ARL15: variants seen among roughly 807,000 people sequenced by gnomAD.
ARL15 encodes ADP-ribosylation factor-like protein 15.
ARL15 carries 19 observed loss-of-function variants against 25.2 expected under a neutral mutation model. That is an observed-to-expected ratio of 0.75 (90% CI 0.53 to 1.10). The LOEUF is 1.10. ARL15 is among the 50% of genes least tolerant of loss of function. ARL15 has a pLI of 0.00. For synonymous variants in ARL15, 94 were observed against 86.8 expected (o/e 1.08, Z -0.46); for missense variants, 220 against 246.0 (o/e 0.89, Z 0.71).
chr5:54,219,063 T>G (rs1756300919), intron 1 of ARL15, among the ~76,000 whole-genome samples: 1 of 152,010 alleles, frequency 6.6e-6, no homozygotes, highest in African/African-American at 2.4e-5. Context: ...TTAAAAAGGA[T>G]TTAGTCGGCA....
intron 4 of ARL15, among the ~76,000 whole-genome samples, chr5:53,899,204 C>G (rs540005724): frequency 5.9e-5 from 9 of 151,286 alleles, no homozygotes; most frequent in Non-Finnish European, 1.0e-4. Flanking sequence ...AAAAATTAGC[C>G]AGGCGTGGTG....
chr5:54,284,653 G>A (rs971489873), intron 1 of ARL15, among the ~76,000 whole-genome samples: 16 of 152,226 alleles, frequency 1.1e-4, no homozygotes, highest in African/African-American at 3.6e-4. Context: ...AAGTATTGTT[G>A]TTGGGATTGC....
At chr5:54,013,648 G>A (rs1357768440) in intron 4 of ARL15, among the ~76,000 whole-genome samples, 2 of 152,226 alleles carry the variant, frequency 1.3e-5, no homozygotes, top group Middle Eastern at 3.4e-3. Flanking sequence ...CATCACTATT[G>A]TAGAACTTAA....
rs374625718 is a variant in ARL15, at chr5:54,033,092, C to T, written c.462+80110G>A. On this transcript the variant is annotated intron_variant, in intron 4 of 4. Transcript: ENST00000504924. ...ACTGTACTCCTAGCACTTTGGGAGG[C>T]TGAGGCGGGTGGATCACCTGAGGTC... Among the ~76,000 whole-genome samples, 377 of 151,760 alleles carry T rather than the reference C, an allele frequency of 2.5e-3. 1 individual carries two copies. Among genetic ancestry groups the T allele is most frequent in the African/African-American group, 8.8e-3 (366 of 41,368 alleles).
At chr5:54,171,574 A>C (rs1051061329) in intron 2 of ARL15, among the ~76,000 whole-genome samples, 7 of 152,222 alleles carry the variant, frequency 4.6e-5, no homozygotes. Context: ...AGTGCCACTG[A>C]AATGACCTGC....
chr5:53,915,442 T>C (rs1192250597), intron 4 of ARL15, among the ~76,000 whole-genome samples: 1 of 152,176 alleles, frequency 6.6e-6, no homozygotes, highest in Non-Finnish European at 1.5e-5. Context: ...GGGTGTGAGA[T>C]TTACCTGTCT....
At chr5:54,289,671 A>G (rs1758276643) in intron 1 of ARL15, among the ~76,000 whole-genome samples, 1 of 152,204 alleles carries the variant, frequency 6.6e-6, no homozygotes, top group Non-Finnish European at 1.5e-5. Flanking sequence ...CAGCCATACA[A>G]CTTACTATTT....
chr5:54,078,667 C>A (rs183423578), intron 4 of ARL15, among the ~76,000 whole-genome samples: 1 of 151,728 alleles, frequency 6.6e-6, no homozygotes, highest in Non-Finnish European at 1.5e-5. Context: ...TGACTATTCT[C>A]GCTAAAGTAA....
chr5:53,937,285 G>A (rs1032011121), intron 4 of ARL15, among the ~76,000 whole-genome samples: 5 of 144,618 alleles, frequency 3.5e-5, no homozygotes, highest in Non-Finnish European at 6.1e-5. Flanking sequence ...ACATGTGCAC[G>A]CCTGCGCATA....
intron 3 of ARL15, among the ~76,000 whole-genome samples, chr5:54,140,241 T>C (rs1265231109): frequency 1.8e-5 from 2 of 108,968 alleles, no homozygotes; most frequent in African/African-American, 3.8e-5. Context: ...TAAATACATT[T>C]AGAAGATTTT....
intron 4 of ARL15, 114 bp downstream of exon 4, chr5:54,113,088 G>T: frequency 2.9e-6 from 3 of 1,039,798 alleles, no homozygotes; most frequent in South Asian, 1.6e-5. Context: ...AAGGTTTCAT[G>T]TTGAAAGCAG....
At chr5:54,222,303 A>C (rs997890398) in intron 1 of ARL15, among the ~76,000 whole-genome samples, 6 of 152,238 alleles carry the variant, frequency 3.9e-5, no homozygotes, top group Admixed American at 3.9e-4. Context: ...TGTGGCAATA[A>C]AGTGGCACTG....
chr5:54,039,800 T>TAAAAAA (rs35030165), intron 4 of ARL15, among the ~76,000 whole-genome samples: 81 of 52,548 alleles, frequency 1.5e-3, no homozygotes, highest in Middle Eastern at 0.016. Context: ...AGACTCTGTC[T>TAAAAAA]AAAAAAAAAA....
intron 1 of ARL15, among the ~76,000 whole-genome samples, chr5:54,242,634 G>A (rs907731162): frequency 6.6e-6 from 1 of 152,164 alleles, no homozygotes; most frequent in African/African-American, 2.4e-5. Flanking sequence ...CAGAGCTCCC[G>A]GCAGCCATCT....
chr5:54,200,852 C>A (rs1317731065), intron 1 of ARL15, among the ~76,000 whole-genome samples: 1 of 152,122 alleles, frequency 6.6e-6, no homozygotes, highest in African/African-American at 2.4e-5. Context: ...ATAAACTGAA[C>A]CATAATTATA....
At chr5:54,166,151 T>A (rs1754557496) in intron 2 of ARL15, among the ~76,000 whole-genome samples, 1 of 152,142 alleles carries the variant, frequency 6.6e-6, no homozygotes, top group African/African-American at 2.4e-5. Flanking sequence ...TTTATTATGA[T>A]GTGCCTTGGT....
At position 54,265,403 on chromosome 5, in the gene ARL15, G is replaced by T. The variant is rs1389464609; in HGVS notation, c.48+45029C>A. ...TAAAGACTACTTACAGGACATTTTA[G>T]GGGACATAAAAACAATCCTAAATAA... On this transcript the variant is annotated intron_variant, in intron 1 of 4. Coordinates refer to ENST00000504924, the MANE Select transcript of ARL15 (RefSeq NM_019087.3). Among the ~76,000 whole-genome samples, 6 of 152,244 alleles carry T rather than the reference G, an allele frequency of 3.9e-5. No individual in the cohort carries two copies. In the East Asian group the frequency reaches 9.6e-4, roughly 24 times the overall value.
chr5:53,995,685 G>A (rs890990622), intron 4 of ARL15, among the ~76,000 whole-genome samples: 3 of 152,190 alleles, frequency 2.0e-5, no homozygotes, highest in Admixed American at 2.0e-4. Flanking sequence ...GTGTTTCAAT[G>A]AGGATGCTCC....
At chr5:53,914,137 C>CCACACACACACA (rs3842045) in intron 4 of ARL15, among the ~76,000 whole-genome samples, 16 of 148,672 alleles carry the variant, frequency 1.1e-4, no homozygotes, top group African/African-American at 3.7e-4. Context: ...GTGCACAGGC[C>CCACACACACACA]CACACACACA....
Sources: allele counts gnomAD v4.1 joint callset (sites outside exome capture counted in the v4.1 genomes callset), GRCh38; gene constraint gnomAD v4.1.1; transcripts MANE v1.5; gene names NCBI Gene and HGNC (gene_info 2026-07-23, HGNC 2026-07-21).